SMYD3: variants seen among roughly 807,000 people sequenced by gnomAD.
SMYD3 encodes the protein histone-lysine N-methyltransferase SMYD3.
In SMYD3, 36 loss-of-function variants were observed where a neutral mutation model predicts 57.7. The observed-to-expected ratio is 0.62, with a 90% CI of 0.48 to 0.82. The LOEUF (loss-of-function observed/expected upper bound fraction) is 0.82. Ranked by LOEUF, SMYD3 falls within the 40% of genes least tolerant of loss-of-function variation. The pLI is 0.00. For synonymous variants in SMYD3, 211 were observed against 195.0 expected, an observed-to-expected ratio of 1.08 and a Z score of -0.68; for missense variants, 515 against 538.8, an observed-to-expected ratio of 0.96 and a Z score of 0.44.
intron 5 of SMYD3, among the ~76,000 whole-genome samples, chr1:246,176,586 G>C (rs1050847723): frequency 3.9e-5 from 6 of 152,152 alleles, no homozygotes; most frequent in South Asian, 2.1e-4. Context: ...AGTGGCGCAA[G>C]ATCACAGCTC....
intron 9 of SMYD3, among the ~76,000 whole-genome samples, chr1:245,860,947 GT>G (rs1456020408): frequency 6.6e-6 from 1 of 152,188 alleles, no homozygotes; most frequent in African/African-American, 2.4e-5. Context: ...ATTTATGTAT[GT>G]TCCCACTTAT....
intron 5 of SMYD3, among the ~76,000 whole-genome samples, chr1:246,272,360 A>C (rs1453132892): frequency 6.6e-6 from 1 of 152,164 alleles, no homozygotes; most frequent in African/African-American, 2.4e-5. Flanking sequence ...TCTCATCCTC[A>C]ATCTTAAAGG....
intron 10 of SMYD3, among the ~76,000 whole-genome samples, chr1:245,806,172 AAG>A (rs2048134882): frequency 6.6e-6 from 1 of 152,254 alleles, no homozygotes. Context: ...AAAGAAGAGA[AAG>A]AATTCCAGTC....
intron 5 of SMYD3, among the ~76,000 whole-genome samples, chr1:246,040,153 T>C (rs1251848849): frequency 6.6e-6 from 1 of 152,226 alleles, no homozygotes; most frequent in Admixed American, 6.5e-5. Context: ...TTCTAACACG[T>C]GGTTTGCAAT....
At chr1:245,905,877 A>G (rs960747231) in intron 8 of SMYD3, among the ~76,000 whole-genome samples, 9 of 152,266 alleles carry the variant, frequency 5.9e-5, no homozygotes, top group African/African-American at 2.2e-4. Flanking sequence ...TTTTGATAAA[A>G]GTGCCAAGAA....
chr1:246,349,903 G>T (rs1018510286), intron 2 of SMYD3, among the ~76,000 whole-genome samples: 1 of 152,050 alleles, frequency 6.6e-6, no homozygotes, highest in Admixed American at 6.6e-5. Context: ...AAACAGATAC[G>T]ATAAATATTA....
At chr1:246,491,856 G>A (rs1458131566) in intron 1 of SMYD3, among the ~76,000 whole-genome samples, 1 of 152,158 alleles carries the variant, frequency 6.6e-6, no homozygotes, top group Non-Finnish European at 1.5e-5. Context: ...ATGGACCTCA[G>A]ACAAGGCCAC....
At chr1:246,002,223 C>A (rs758419281) in intron 5 of SMYD3, among the ~76,000 whole-genome samples, 4 of 149,930 alleles carry the variant, frequency 2.7e-5, no homozygotes, top group Non-Finnish European at 5.9e-5. Flanking sequence ...CTCGCTCCGT[C>A]ACCCAGGCTG....
At chr1:246,348,060 TTA>T (rs200573424) in intron 2 of SMYD3, among the ~76,000 whole-genome samples, 8 of 83,008 alleles carry the variant, frequency 9.6e-5, no homozygotes, top group Admixed American at 1.5e-4. Context: ...AAAGAAAACG[TTA>T]TATATATATA....
At chr1:246,402,351 G>A (rs12069875) in intron 1 of SMYD3, among the ~76,000 whole-genome samples, 5,361 of 74,278 alleles carry the variant, frequency 0.072, 343 homozygotes, top group African/African-American at 0.16. Context: ...AATGAGTCTC[G>A]ATCAGCTAAA....
intron 5 of SMYD3, among the ~76,000 whole-genome samples, chr1:246,302,146 C>T (rs1445474779): frequency 6.6e-6 from 1 of 152,102 alleles, no homozygotes; most frequent in Admixed American, 6.5e-5. Flanking sequence ...GCTTAAGCAA[C>T]AAAATAATAA....
intron 5 of SMYD3, chr1:246,186,786 G>C: frequency 1.0e-6 from 1 of 985,412 alleles, no homozygotes; most frequent in Non-Finnish European, 1.2e-6. Flanking sequence ...CAGTTCCTCA[G>C]CCAAGTCGTG....
chr1:246,305,606 TGAA>T (rs2064965951), intron 5 of SMYD3, among the ~76,000 whole-genome samples: 1 of 152,204 alleles, frequency 6.6e-6, no homozygotes, highest in Admixed American at 6.5e-5. Flanking sequence ...TATAGCTATT[TGAA>T]GAAGATTATT....
chr1:246,286,750 G>C (rs1250107031), intron 5 of SMYD3, among the ~76,000 whole-genome samples: 2 of 151,946 alleles, frequency 1.3e-5, no homozygotes, highest in African/African-American at 2.4e-5. Context: ...TCAAATATTT[G>C]ATAATCAGAC....
chr1:246,357,184 A>T (rs1004568001), intron 1 of SMYD3, among the ~76,000 whole-genome samples: 3 of 152,200 alleles, frequency 2.0e-5, no homozygotes, highest in Non-Finnish European at 2.9e-5. Context: ...ATTCCCAGAC[A>T]GTTAGGGCAT....
At chr1:245,986,676 G>A (rs1026387510) in intron 5 of SMYD3, among the ~76,000 whole-genome samples, 2 of 152,184 alleles carry the variant, frequency 1.3e-5, no homozygotes, top group African/African-American at 4.8e-5. Flanking sequence ...AGAACAGGAA[G>A]TCTCCATGTC....
intron 5 of SMYD3, among the ~76,000 whole-genome samples, chr1:246,025,526 G>T (rs1206717749): frequency 6.6e-6 from 1 of 152,160 alleles, no homozygotes; most frequent in Non-Finnish European, 1.5e-5. Context: ...ATCATGAAGA[G>T]AATTATGTAA....
intron 1 of SMYD3, among the ~76,000 whole-genome samples, chr1:246,376,399 T>C (rs2148739426): frequency 6.6e-6 from 1 of 151,798 alleles, no homozygotes; most frequent in East Asian, 2.0e-4. Context: ...AAGACCAGCC[T>C]GGCCAACATG....
At chr1:246,167,791 G>A (rs1040042709) in intron 5 of SMYD3, among the ~76,000 whole-genome samples, 16 of 152,124 alleles carry the variant, frequency 1.1e-4, no homozygotes, top group Admixed American at 5.2e-4. Flanking sequence ...GATTACAGGC[G>A]TGAGCCACCA....
Sources: gnomAD v4.1 joint callset for allele counts (sites outside exome capture counted in the v4.1 genomes callset) on GRCh38, gnomAD v4.1.1 for gene constraint, MANE v1.5 for transcripts, NCBI Gene and HGNC (gene_info 2026-07-23, HGNC 2026-07-21) for gene names.